Variants in SEC23A observed in about 807,000 individuals in gnomAD.
SEC23A encodes SEC23 homolog A, COPII component.
A neutral mutation model predicts 103.7 loss-of-function variants in SEC23A; 56 were observed. The observed-to-expected ratio is 0.54, with a 90% confidence interval of 0.44 to 0.67. The LOEUF is 0.67. SEC23A is among the 30% of genes least tolerant of loss of function. SEC23A has a pLI of 0.00. For missense variants in SEC23A, 784 were observed against 936.4 expected (o/e 0.84, Z 2.12); for synonymous variants, 281 against 293.0 (o/e 0.96, Z 0.42).
chr14:39,079,361 C>G (rs1392815593), intron 7 of SEC23A, among the ~76,000 whole-genome samples: 1 of 152,120 alleles, frequency 6.6e-6, no homozygotes. Context: ...TGTGTATAAT[C>G]GCTCTACTTT....
intron 18 of SEC23A, 45 bp from the exon 19 acceptor site, chr14:39,039,141 C>T (rs1179742088): frequency 7.0e-7 from 1 of 1,434,208 alleles, no homozygotes; most frequent in East Asian, 2.3e-5. Flanking sequence ...AAAATGGTTT[C>T]AGTCAATATC....
chr14:39,065,903 C>T (rs35992529), intron 10 of SEC23A, among the ~76,000 whole-genome samples: 31,904 of 145,684 alleles, frequency 0.22, 4,261 homozygotes, highest in Middle Eastern at 0.37. Context: ...GAGGGTGAGG[C>T]AGGAGAATTG....
At chr14:39,102,352 T>C (rs970231111) in intron 1 of SEC23A, among the ~76,000 whole-genome samples, 2 of 152,230 alleles carry the variant, frequency 1.3e-5, no homozygotes, top group African/African-American at 4.8e-5. Context: ...CCAAGTTAAT[T>C]TGGCTAGTTA....
chr14:39,100,258 A>T (rs187297947), intron 1 of SEC23A, among the ~76,000 whole-genome samples: 15 of 152,292 alleles, frequency 9.8e-5, no homozygotes, highest in African/African-American at 3.4e-4. Context: ...TGGTCCAATT[A>T]CATGGCTATG....
At chr14:39,067,668 T>C (rs971105484) in intron 9 of SEC23A, among the ~76,000 whole-genome samples, 10 of 3,558 alleles carry the variant, frequency 2.8e-3, no homozygotes, top group Non-Finnish European at 6.1e-3. Flanking sequence ...TGCATTCTCT[T>C]TTTTTTTTTT....
rs202000789 is a variant in SEC23A, at chr14:39,091,682, T to A, written c.398A>T (p.Tyr133Phe). 2 of 1,613,890 alleles carry A rather than the reference T, an allele frequency of 1.2e-6. No individual in the cohort carries two copies. The highest frequency in any genetic ancestry group is 2.2e-5 in the East Asian group (1 of 44,842). Residue 133 changes from tyrosine to phenylalanine, a missense_variant, in exon 5 of 20, where the codon TAT becomes TTT. Coordinates refer to ENST00000307712, the MANE Select transcript of SEC23A (RefSeq NM_006364.4). Reference protein sequence around the residue: ...RGPQMPLIFLYVVDTCMEDED... With the variant: ...RGPQMPLIFLFVVDTCMEDED... The stretch of plus-strand genomic sequence containing the variant: ...ATCTTCCATGCAAGTATCAACCACA[T>A]AGAGGAATATCAAAGGCATCTGAGG...
chr14:39,052,073 A>T (rs543446819), intron 14 of SEC23A, among the ~76,000 whole-genome samples: 1 of 152,254 alleles, frequency 6.6e-6, no homozygotes, highest in African/African-American at 2.4e-5. Flanking sequence ...AGCAAACACC[A>T]CATGCTCTCA....
At chr14:39,051,829 G>GT (rs1389469745) in intron 14 of SEC23A, among the ~76,000 whole-genome samples, 1 of 152,106 alleles carries the variant, frequency 6.6e-6, no homozygotes, top group Non-Finnish European at 1.5e-5. Flanking sequence ...TCACCTGGGT[G>GT]TGGTGGCACA....
intron 9 of SEC23A, among the ~76,000 whole-genome samples, chr14:39,071,928 C>A (rs1371925304): frequency 6.6e-6 from 1 of 151,866 alleles, no homozygotes; most frequent in Non-Finnish European, 1.5e-5. Context: ...GTGCTGCAAA[C>A]AATACCATCA....
intron 7 of SEC23A, among the ~76,000 whole-genome samples, chr14:39,081,276 G>GA (rs1246847558): frequency 2.7e-5 from 4 of 148,902 alleles, no homozygotes; most frequent in African/African-American, 4.9e-5. Flanking sequence ...AAACCTCCAG[G>GA]AAAAAAAAAT....
intron 15 of SEC23A, among the ~76,000 whole-genome samples, chr14:39,047,161 A>G (rs1170184369): frequency 6.6e-6 from 1 of 152,202 alleles, no homozygotes; most frequent in Non-Finnish European, 1.5e-5. Flanking sequence ...AAAGTATTCC[A>G]GGGTCCTCTG....
intron 13 of SEC23A, among the ~76,000 whole-genome samples, chr14:39,056,088 C>A (rs907381923): frequency 6.6e-6 from 1 of 152,238 alleles, no homozygotes; most frequent in Non-Finnish European, 1.5e-5. Context: ...TAATTAACTG[C>A]CTTTGTTCTG....
At chr14:39,075,236 A>G (rs1343824599) in intron 8 of SEC23A, among the ~76,000 whole-genome samples, 4 of 152,224 alleles carry the variant, frequency 2.6e-5, no homozygotes, top group African/African-American at 7.2e-5. Context: ...CCTTTTTTGA[A>G]GCTGTAACCA....
intron 13 of SEC23A, 115 bp downstream of exon 13, chr14:39,061,650 A>T: frequency 1.3e-6 from 1 of 742,552 alleles, no homozygotes. Context: ...AAATACTATT[A>T]GTCACAAATA....
chr14:39,074,628 CTCA>C lies in SEC23A; in HGVS notation c.988-101_988-99del, dbSNP rs1886953261. The C allele has an allele frequency of 4.3e-6, 3 of 697,368 alleles. No homozygotes were observed. In the Admixed American group the frequency reaches 6.8e-5, roughly 16 times the overall value. The allele number at this position is 697,368 out of a possible 1,614,324, so 43.2% of individuals were successfully genotyped here. On this transcript the variant is annotated intron_variant, in intron 8 of 19. Coordinates refer to ENST00000307712, the MANE Select transcript of SEC23A (RefSeq NM_006364.4). ...AATGATCTAAGGACTAAAAGAGTAA[CTCA>C]TAATTTAAATTATGATTAGTTATTT...
intron 13 of SEC23A, among the ~76,000 whole-genome samples, chr14:39,059,678 T>C (rs565910321): frequency 1.3e-5 from 2 of 152,314 alleles, no homozygotes; most frequent in African/African-American, 4.8e-5. Flanking sequence ...TTGCTGAACT[T>C]TTCTAGATTA....
chr14:39,075,405 G>C (rs1336684816), intron 8 of SEC23A, among the ~76,000 whole-genome samples: 1 of 152,004 alleles, frequency 6.6e-6, no homozygotes, highest in African/African-American at 2.4e-5. Context: ...CTGAACTCTA[G>C]AGAATTTAAA....
chr14:39,058,554 G>A (rs1475460005), intron 13 of SEC23A, among the ~76,000 whole-genome samples: 2 of 152,086 alleles, frequency 1.3e-5, no homozygotes, highest in Admixed American at 6.5e-5. Context: ...TGATCCACCC[G>A]CCTTGGCCTC....
intron 13 of SEC23A, among the ~76,000 whole-genome samples, chr14:39,061,121 T>A (rs1243339861): frequency 6.6e-6 from 1 of 152,214 alleles, no homozygotes; most frequent in African/African-American, 2.4e-5. Context: ...AATCACTTTT[T>A]AAAATTTCAT....
Sources: gnomAD v4.1 joint callset for allele counts (sites outside exome capture counted in the v4.1 genomes callset) on GRCh38, gnomAD v4.1.1 for gene constraint, MANE v1.5 for transcripts, NCBI Gene and HGNC (gene_info 2026-07-23, HGNC 2026-07-21) for gene names.